Variants in SLC14A2 observed in about 807,000 individuals in gnomAD.
SLC14A2 encodes the protein solute carrier family 14 member 2, also known as urea transporter 2.
SLC14A2 carries 91 observed loss-of-function variants against 104.6 expected under a neutral mutation model. The ratio of observed to expected loss-of-function variants is 0.87; its 90% CI spans 0.73 to 1.04. SLC14A2 has a LOEUF of 1.04. SLC14A2 is among the 50% of genes least tolerant of loss of function. The pLI, the probability that SLC14A2 is intolerant of heterozygous loss-of-function variation, is 0.00. For missense variants in SLC14A2, 1,189 were observed against 1,156.0 expected (o/e 1.03, Z -0.41); for synonymous variants, 476 against 466.4 (o/e 1.02, Z -0.27).
chr18:45,180,877 A>G, the SLC14A2 span: 2 of 152,210 alleles, frequency 1.3e-5, no homozygotes, highest in Non-Finnish European at 2.9e-5. Context: ...AGTTTACTGA[A>G]GCATAATGAA....
At chr18:45,373,073 T>A (rs1415861524) in intron 1 of SLC14A2, among the ~76,000 whole-genome samples, 2 of 152,176 alleles carry the variant, frequency 1.3e-5, no homozygotes, top group East Asian at 3.9e-4. Context: ...GCTTGTAGAC[T>A]ATCTGATGGA....
chr18:45,457,578 T>A (rs911311458), intron 1 of SLC14A2, among the ~76,000 whole-genome samples: 12 of 152,130 alleles, frequency 7.9e-5, no homozygotes. Flanking sequence ...TTGAGAGTTC[T>A]AAAATCCTAG....
chr18:45,452,618 C>T (rs2086875567), intron 1 of SLC14A2, among the ~76,000 whole-genome samples: 1 of 152,178 alleles, frequency 6.6e-6, no homozygotes, highest in Non-Finnish European at 1.5e-5. Flanking sequence ...TTGTCATTTA[C>T]ATTTCTCTCT....
chr18:45,618,090 T>C (rs1051992019), intron 1 of SLC14A2, among the ~76,000 whole-genome samples: 6 of 151,614 alleles, frequency 4.0e-5, no homozygotes, highest in South Asian at 4.2e-4. Context: ...GATACAAGGG[T>C]TTCTAGTAAG....
chr18:45,319,777 C>T (rs914997464), intron 1 of SLC14A2, among the ~76,000 whole-genome samples: 1 of 152,238 alleles, frequency 6.6e-6, no homozygotes, highest in Non-Finnish European at 1.5e-5. Context: ...GCTCACCTCA[C>T]ATCACTGTGC....
chr18:45,472,276 T>G (rs767898347), intron 1 of SLC14A2, among the ~76,000 whole-genome samples: 8 of 152,234 alleles, frequency 5.3e-5, no homozygotes, highest in Non-Finnish European at 1.2e-4. Context: ...CAGTCTATCA[T>G]TGATGGGCAT....
chr18:45,409,763 C>T (rs1054509827), intron 1 of SLC14A2, among the ~76,000 whole-genome samples: 3 of 152,158 alleles, frequency 2.0e-5, no homozygotes, highest in Non-Finnish European at 4.4e-5. Flanking sequence ...GGAGTATATT[C>T]TAGAGCAACA....
intron 1 of SLC14A2, among the ~76,000 whole-genome samples, chr18:45,264,505 AC>A (rs1173233253): frequency 1.3e-5 from 2 of 152,190 alleles, no homozygotes; most frequent in Non-Finnish European, 2.9e-5. Flanking sequence ...GCTGATAAAG[AC>A]ATATCTGAGA....
intron 2 of SLC14A2, among the ~76,000 whole-genome samples, chr18:45,570,267 A>G (rs1474768178): frequency 6.6e-6 from 1 of 152,150 alleles, no homozygotes; most frequent in Non-Finnish European, 1.5e-5. Flanking sequence ...TGGCTCCAAA[A>G]TTCTATGACA....
intron 1 of SLC14A2, among the ~76,000 whole-genome samples, chr18:45,356,948 CG>C (rs1568165426): frequency 6.6e-6 from 1 of 152,152 alleles, no homozygotes; most frequent in East Asian, 1.9e-4. Context: ...TGGACCACCA[CG>C]GGGGCACCAG....
chr18:45,425,905 A>G (rs2086418554), intron 1 of SLC14A2, among the ~76,000 whole-genome samples: 1 of 151,932 alleles, frequency 6.6e-6, no homozygotes, highest in African/African-American at 2.4e-5. Flanking sequence ...TTTGAGTGAA[A>G]AGCTGTGTGC....
At chr18:45,646,000 G>A (rs1245032382) in intron 10 of SLC14A2, among the ~76,000 whole-genome samples, 5 of 152,194 alleles carry the variant, frequency 3.3e-5, no homozygotes, top group African/African-American at 1.2e-4. Flanking sequence ...AGGAAATGGA[G>A]GATACCCAGA....
chr18:45,391,865 A>G (rs4337386), intron 1 of SLC14A2, among the ~76,000 whole-genome samples: 19,723 of 152,112 alleles, frequency 0.13, 2,014 homozygotes, highest in East Asian at 0.54. Flanking sequence ...ATTTTCTCCC[A>G]TTTTGTGGGT....
the SLC14A2 span, among the ~76,000 whole-genome samples, chr18:45,172,482 T>C: frequency 2.0e-5 from 3 of 152,174 alleles, no homozygotes; most frequent in Non-Finnish European, 4.4e-5. Context: ...GTCTTGTGGA[T>C]GGTTATCTAC....
intron 1 of SLC14A2, among the ~76,000 whole-genome samples, chr18:45,442,571 C>T (rs560173155): frequency 1.1e-4 from 16 of 152,014 alleles, no homozygotes; most frequent in Admixed American, 4.6e-4. Context: ...GATTAGGAGC[C>T]CACCCTACTC....
At chr18:45,597,072 C>T (rs139629278) in intron 2 of SLC14A2, among the ~76,000 whole-genome samples, 61 of 152,308 alleles carry the variant, frequency 4.0e-4, no homozygotes, top group African/African-American at 1.3e-3. Flanking sequence ...CATGCCAGCA[C>T]GTTGGGAGGC....
intron 1 of SLC14A2, among the ~76,000 whole-genome samples, chr18:45,274,072 C>T (rs1019227348): frequency 6.6e-6 from 1 of 152,094 alleles, no homozygotes; most frequent in Non-Finnish European, 1.5e-5. Context: ...TATGTGATAA[C>T]AGGCTTACCA....
Position 45,285,124 on chromosome 18 carries a change from T to A in SLC14A2, c.-125+71933T>A, listed in dbSNP as rs555290020. On this transcript the variant is annotated intron_variant, in intron 1 of 20. Coordinates refer to the SLC14A2 transcript ENST00000586448. ...TAACACCTTATGTAACTATTGTTCC[T>A]CAGAAGGTTTATTTTAAATGTGGAG... 2.0e-5 allele frequency among the ~76,000 whole-genome samples: 3 copies of A among 152,292 alleles called. No homozygotes were observed. The East Asian group carries it at 5.8e-4, about 29-fold the overall frequency.
intron 2 of SLC14A2, among the ~76,000 whole-genome samples, chr18:45,561,383 C>G (rs1354729214): frequency 2.6e-5 from 4 of 152,132 alleles, no homozygotes; most frequent in African/African-American, 7.2e-5. Flanking sequence ...AGAGTGACAG[C>G]AAAACAAGCA....
Sources: gnomAD v4.1 joint callset for allele counts (sites outside exome capture counted in the v4.1 genomes callset) on GRCh38, gnomAD v4.1.1 for gene constraint, MANE v1.5 for transcripts, NCBI Gene and HGNC (gene_info 2026-07-23, HGNC 2026-07-21) for gene names.